AUTS2: variants seen among roughly 807,000 people sequenced by gnomAD.
The protein encoded by AUTS2 is autism susceptibility gene 2 protein.
A neutral mutation model predicts 112.4 loss-of-function variants in AUTS2; 17 were observed. That is an observed-to-expected ratio of 0.15 (90% confidence interval 0.10 to 0.23). AUTS2 has a LOEUF of 0.23. AUTS2 is among the 10% of genes least tolerant of loss of function. The pLI, the probability that AUTS2 is intolerant of heterozygous loss-of-function variation, is 1.00. For synonymous variants in AUTS2, 751 were observed against 702.7 expected, an observed-to-expected ratio of 1.07 and a Z score of -1.09; for missense variants, 1,510 against 1,701.6, an observed-to-expected ratio of 0.89 and a Z score of 1.98.
intron 4 of AUTS2, among the ~76,000 whole-genome samples, chr7:70,266,983 A>T (rs937974958): frequency 3.0e-4 from 45 of 152,080 alleles, no homozygotes; most frequent in Admixed American, 2.9e-3. Context: ...CTTCATAGTA[A>T]CTCTCAATTC....
intron 5 of AUTS2, among the ~76,000 whole-genome samples, chr7:70,628,965 G>A (rs564959832): frequency 4.6e-5 from 7 of 152,240 alleles, no homozygotes; most frequent in East Asian, 1.9e-4. Flanking sequence ...TAAGGATGTC[G>A]GGAAGTGCCT....
intron 1 of AUTS2, among the ~76,000 whole-genome samples, chr7:69,849,293 T>A (rs1792353566): frequency 6.6e-6 from 1 of 152,218 alleles, no homozygotes; most frequent in Non-Finnish European, 1.5e-5. Flanking sequence ...ACTTTATTTT[T>A]TGTTACTTTT....
At chr7:70,667,092 C>T (rs1014563513) in intron 5 of AUTS2, among the ~76,000 whole-genome samples, 2 of 151,966 alleles carry the variant, frequency 1.3e-5, no homozygotes, top group African/African-American at 4.8e-5. Context: ...GTTCGGCAAG[C>T]ATTAAAAGGC....
chr7:69,844,860 C>A (rs909074829), intron 1 of AUTS2, among the ~76,000 whole-genome samples: 1 of 152,118 alleles, frequency 6.6e-6, no homozygotes, highest in Admixed American at 6.6e-5. Flanking sequence ...ACAGTGTGTT[C>A]AGTGCACAGT....
chr7:70,463,584 G>A (rs117571667), intron 5 of AUTS2, among the ~76,000 whole-genome samples: 133 of 152,344 alleles, frequency 8.7e-4, no homozygotes, highest in African/African-American at 3.0e-3. Context: ...GGGAGTGCCA[G>A]TTAATTGACA....
intron 6 of AUTS2, among the ~76,000 whole-genome samples, chr7:70,762,417 C>T (rs1347495572): frequency 1.3e-5 from 2 of 151,850 alleles, no homozygotes; most frequent in African/African-American, 4.8e-5. Flanking sequence ...GACTGTAGTA[C>T]ACACCACCAC....
intron 4 of AUTS2, among the ~76,000 whole-genome samples, chr7:70,164,191 T>C (rs1423268258): frequency 6.6e-6 from 1 of 152,224 alleles, no homozygotes; most frequent in African/African-American, 2.4e-5. Flanking sequence ...AAAATCAATC[T>C]AGTTTTCCCT....
At chr7:70,497,209 T>C (rs1798586225) in intron 5 of AUTS2, among the ~76,000 whole-genome samples, 1 of 120,918 alleles carries the variant, frequency 8.3e-6, no homozygotes, top group Non-Finnish European at 1.7e-5. Context: ...CATGCACATG[T>C]CACATCAGCG....
At chr7:69,865,354 TC>T (rs1030390674) in intron 1 of AUTS2, among the ~76,000 whole-genome samples, 1 of 152,150 alleles carries the variant, frequency 6.6e-6, no homozygotes, top group African/African-American at 2.4e-5. Flanking sequence ...GTTCAGTGTG[TC>T]CTGAGTCACT....
At chr7:69,702,789 CT>C (rs1161677368) in intron 1 of AUTS2, among the ~76,000 whole-genome samples, 1 of 152,194 alleles carries the variant, frequency 6.6e-6, no homozygotes, top group Non-Finnish European at 1.5e-5. Flanking sequence ...AGTCATTGGT[CT>C]GCATGTTCAA....
chr7:70,084,135 C>T (rs1169716090), intron 2 of AUTS2, among the ~76,000 whole-genome samples: 2 of 152,164 alleles, frequency 1.3e-5, no homozygotes, highest in Middle Eastern at 3.4e-3. Context: ...AAGTTGTATA[C>T]ATTTTTCTAG....
At chr7:69,771,019 T>G in intron 1 of AUTS2, among the ~76,000 whole-genome samples, 1 of 152,184 alleles carries the variant, frequency 6.6e-6, no homozygotes, top group South Asian at 2.1e-4. Flanking sequence ...AACTCCTTAG[T>G]TAAAGAAACT....
chr7:70,768,665 T>TA (rs1401723503), intron 10 of AUTS2, among the ~76,000 whole-genome samples: 3 of 151,786 alleles, frequency 2.0e-5, no homozygotes, highest in East Asian at 1.9e-4. Context: ...CTCCTTTATT[T>TA]AAAAAAAATA....
chr7:69,788,432 C>A (rs950894422), intron 1 of AUTS2, among the ~76,000 whole-genome samples: 1 of 152,142 alleles, frequency 6.6e-6, no homozygotes, highest in Non-Finnish European at 1.5e-5. Context: ...GGAAGGGCAG[C>A]AGCATGGTGT....
At chr7:69,852,996 A>G (rs1171193825) in intron 1 of AUTS2, among the ~76,000 whole-genome samples, 1 of 152,092 alleles carries the variant, frequency 6.6e-6, no homozygotes, top group African/African-American at 2.4e-5. Flanking sequence ...TGGTCAGAGA[A>G]TACACTGTAT....
Position 70,787,381 on chromosome 7 carries a change from T to G in AUTS2, c.2481T>G (p.Asp827Glu), listed in dbSNP as rs748520514. The G allele has an allele frequency of 2.5e-6, 4 of 1,613,914 alleles. No individual in the cohort carries two copies. Among genetic ancestry groups the G allele is most frequent in the Non-Finnish European group, 2.5e-6 (3 of 1,179,878 alleles). The change falls in exon 18 of 19, where the codon GAT becomes GAG. Residue 827 changes from aspartate (D) to glutamate (E), a missense_variant. Physicochemically the swap from Asp to Glu is conservative, Grantham distance 45 (BLOSUM62 2). Around this residue, in one of 3 missense-constraint regions of AUTS2, gnomAD observed 788 missense variants for 797.6 expected, o/e 0.99. Transcript: ENST00000342771. ...CGTCCGCTGCAGCTCATGACAGAGA[T>G]AGAGATGTAGATAAACGAGACTCAT... ...RSASAAAHDR[D>E]RDVDKRDSSV...
intron 1 of AUTS2, among the ~76,000 whole-genome samples, chr7:69,840,184 G>A (rs1791911066): frequency 6.6e-6 from 1 of 152,144 alleles, no homozygotes; most frequent in African/African-American, 2.4e-5. Context: ...GAGTAGGTCT[G>A]TATTAAAGGA....
chr7:70,440,688 G>C (rs1329841678), intron 5 of AUTS2, among the ~76,000 whole-genome samples: 1 of 152,194 alleles, frequency 6.6e-6, no homozygotes, highest in Admixed American at 6.5e-5. Context: ...TTCTGAAACA[G>C]TGTCTTTTTA....
rs1433567695 is a variant in AUTS2, at chr7:70,790,474, G to C, written c.3258G>C (p.Arg1086=). Residue 1086 remains arginine (R), a synonymous_variant, in exon 19 of 19, where the codon CGG becomes CGC. Coordinates refer to ENST00000342771, the MANE Select transcript of AUTS2 (RefSeq NM_015570.4). This position sits in a 1 kb window ranked among gnomAD's most constrained non-coding sequence, Gnocchi z 7.6. The part of the protein sequence containing the change: ...RDPYRELDIH[R]RDPLGRDFLL... ...CTTACCGAGAACTTGACATTCACCG[G>C]AGAGACCCGCTGGGCAGGGACTTCC... 6.2e-7 allele frequency: 1 copy of C among 1,612,358 alleles called. No individual in the cohort carries two copies. The highest frequency in any genetic ancestry group is 8.5e-7 in the Non-Finnish European group (1 of 1,179,272).
Sources: gnomAD v4.1 joint callset for allele counts (sites outside exome capture counted in the v4.1 genomes callset) on GRCh38, gnomAD v4.1.1 for gene constraint, gnomAD v4.1.1 regional missense constraint, Gnocchi (gnomAD v3.1) non-coding constraint, MANE v1.5 for transcripts, NCBI Gene and HGNC (gene_info 2026-07-23, HGNC 2026-07-21) for gene names.